Variants in CA10 observed in about 807,000 individuals in gnomAD.
The protein encoded by CA10 is carbonic anhydrase-related protein 10.
Under a neutral mutation model 44.2 loss-of-function variants are expected in CA10, and 14 were observed. The observed-to-expected ratio is 0.32, with a 90% confidence interval of 0.21 to 0.50. The LOEUF (loss-of-function observed/expected upper bound fraction) is 0.50. Among genes scored for constraint, CA10 ranks in the 20% least tolerant of loss-of-function variants. The pLI is 0.99. For synonymous variants in CA10, 159 were observed against 141.6 expected (o/e 1.12, Z -0.87); for missense variants, 350 against 409.7 (o/e 0.85, Z 1.26).
At chr17:52,082,434 A>C (rs1210809200) in intron 1 of CA10, among the ~76,000 whole-genome samples, 1 of 152,152 alleles carries the variant, frequency 6.6e-6, no homozygotes, top group African/African-American at 2.4e-5. Context: ...TTTCATTCTT[A>C]TTTTTAATGT....
chr17:51,831,887 A>G (rs550341123), intron 3 of CA10, among the ~76,000 whole-genome samples: 17 of 152,152 alleles, frequency 1.1e-4, no homozygotes, highest in Middle Eastern at 3.2e-3. Context: ...TTCAGATTCT[A>G]CTATTAAGAA....
intron 2 of CA10, among the ~76,000 whole-genome samples, chr17:52,054,010 A>T (rs1987153048): frequency 1.3e-5 from 2 of 152,104 alleles, no homozygotes; most frequent in Non-Finnish European, 2.9e-5. Flanking sequence ...TTGTTTGTAG[A>T]GCATGTGTGT....
intron 7 of CA10, among the ~76,000 whole-genome samples, chr17:51,634,135 C>T (rs1379813106): frequency 6.6e-6 from 1 of 152,158 alleles, no homozygotes; most frequent in Non-Finnish European, 1.5e-5. Context: ...TGTTCTGCCA[C>T]AGGACTGTGA....
At chr17:51,966,029 T>A (rs1348756559) in intron 2 of CA10, among the ~76,000 whole-genome samples, 1 of 151,922 alleles carries the variant, frequency 6.6e-6, no homozygotes, top group Non-Finnish European at 1.5e-5. Flanking sequence ...TTTCATGTTA[T>A]AAAGTCAACA....
upstream of CA10, chr17:52,159,795 A>T (rs1598247429): frequency 6.6e-6 from 1 of 152,142 alleles, no homozygotes; most frequent in African/African-American, 2.4e-5. Context: ...GATGCAGGGG[A>T]ATTGAAGAAA....
At chr17:51,701,547 C>A (rs975955577) in intron 4 of CA10, among the ~76,000 whole-genome samples, 8 of 151,948 alleles carry the variant, frequency 5.3e-5, no homozygotes, top group African/African-American at 1.9e-4. Flanking sequence ...AAGATTGGGG[C>A]CTTTAATATA....
intron 4 of CA10, among the ~76,000 whole-genome samples, chr17:51,744,702 T>G (rs1264972510): frequency 6.6e-6 from 1 of 152,222 alleles, no homozygotes; most frequent in Non-Finnish European, 1.5e-5. Flanking sequence ...TGTATCGTTT[T>G]CATCGTTAGA....
chr17:51,811,813 G>A (rs547683307), intron 3 of CA10, among the ~76,000 whole-genome samples: 1 of 152,318 alleles, frequency 6.6e-6, no homozygotes, highest in African/African-American at 2.4e-5. Context: ...ACTAATTACA[G>A]TTTTAACCCT....
chr17:51,954,635 G>A (rs1297447639), intron 2 of CA10, among the ~76,000 whole-genome samples: 1 of 152,156 alleles, frequency 6.6e-6, no homozygotes, highest in Non-Finnish European at 1.5e-5. Context: ...TCTGGCACTG[G>A]TTTAATCAGA....
chr17:51,806,999 A>G (rs1376700005), intron 3 of CA10, among the ~76,000 whole-genome samples: 1 of 152,218 alleles, frequency 6.6e-6, no homozygotes, highest in Non-Finnish European at 1.5e-5. Context: ...GAAGAAAGTC[A>G]AATTTCATTA....
chr17:51,666,864 G>T (rs1914227410), intron 4 of CA10, among the ~76,000 whole-genome samples: 1 of 152,172 alleles, frequency 6.6e-6, no homozygotes, highest in African/African-American at 2.4e-5. Context: ...CACCCAAGAA[G>T]ATTATAAAAG....
intron 1 of CA10, among the ~76,000 whole-genome samples, chr17:52,097,790 A>G (rs1446520282): frequency 6.6e-6 from 1 of 152,216 alleles, no homozygotes; most frequent in Non-Finnish European, 1.5e-5. Context: ...ATGATACAAC[A>G]TGGTAAGCCC....
chr17:51,661,500 A>T (rs1316329062), intron 4 of CA10: 3 of 152,240 alleles, frequency 2.0e-5, no homozygotes, highest in Non-Finnish European at 4.4e-5. Flanking sequence ...TAATACTCAT[A>T]GCACTGTGTG....
At chr17:51,963,023 C>A (rs1204077535) in intron 2 of CA10, among the ~76,000 whole-genome samples, 1 of 151,988 alleles carries the variant, frequency 6.6e-6, no homozygotes, top group Non-Finnish European at 1.5e-5. Context: ...CAAATAAACT[C>A]CTAAATAAAT....
At chr17:52,119,235 T>C (rs1468061015) in intron 1 of CA10, among the ~76,000 whole-genome samples, 4 of 151,012 alleles carry the variant, frequency 2.6e-5, no homozygotes, top group Admixed American at 2.0e-4. Context: ...TCATGACTTA[T>C]GGCAGTATTC....
intron 2 of CA10, among the ~76,000 whole-genome samples, chr17:51,949,330 C>G (rs889887104): frequency 2.0e-5 from 3 of 152,154 alleles, no homozygotes; most frequent in Non-Finnish European, 4.4e-5. Context: ...ACAGAAAAGT[C>G]TACAGCTGGG....
chr17:52,117,205 G>A (rs1163995629), intron 1 of CA10, among the ~76,000 whole-genome samples: 1 of 152,150 alleles, frequency 6.6e-6, no homozygotes, highest in Non-Finnish European at 1.5e-5. Context: ...CTTAATGCAT[G>A]CATTAGAGCC....
chr17:51,969,382 G>A (rs753423953), intron 2 of CA10, among the ~76,000 whole-genome samples: 4 of 152,092 alleles, frequency 2.6e-5, no homozygotes, highest in Non-Finnish European at 4.4e-5. Context: ...TATCTGGTAA[G>A]TGGACAGAGC....
chr17:51,814,363 T>G (rs1238195625), intron 3 of CA10, among the ~76,000 whole-genome samples: 1 of 152,166 alleles, frequency 6.6e-6, no homozygotes, highest in Non-Finnish European at 1.5e-5. Flanking sequence ...GTGAAGAAAT[T>G]GAGGCCTAGA....
Sources: allele counts gnomAD v4.1 joint callset (sites outside exome capture counted in the v4.1 genomes callset), GRCh38; gene constraint gnomAD v4.1.1; transcripts MANE v1.5; gene names NCBI Gene and HGNC (gene_info 2026-07-23, HGNC 2026-07-21).